CFAP210: variants seen among roughly 807,000 people sequenced by gnomAD.
The protein encoded by CFAP210 is cilia and flagella associated protein 210, also known as cilia- and flagella- associated protein 210.
the CFAP210 span, chr2:169,645,641 T>G: frequency 1.9e-6 from 1 of 534,362 alleles, no homozygotes; most frequent in East Asian, 3.1e-5. Flanking sequence ...AAAAGTAAAC[T>G]TGTGTATTTT....
At chr2:169,667,075 C>T in the CFAP210 span, among the ~76,000 whole-genome samples, 1 of 151,996 alleles carries the variant, frequency 6.6e-6, no homozygotes, top group Non-Finnish European at 1.5e-5. Flanking sequence ...TTGGAATCAA[C>T]TTCTTCCAAA....
the CFAP210 span, chr2:169,649,449 A>G: frequency 1.9e-6 from 2 of 1,045,682 alleles, no homozygotes; most frequent in Non-Finnish European, 2.8e-6. Flanking sequence ...AGAGTCAGCC[A>G]GGAGCAATGC....
At chr2:169,650,228 C>A in the CFAP210 span, 1 of 1,198,550 alleles carries the variant, frequency 8.3e-7, no homozygotes, top group Non-Finnish European at 1.1e-6. Flanking sequence ...TTTTTAATAT[C>A]TTGGCTAGTT....
the CFAP210 span, among the ~76,000 whole-genome samples, chr2:169,657,015 G>GGTGTCGAA: frequency 1.5e-4 from 21 of 142,532 alleles, no homozygotes; most frequent in African/African-American, 5.0e-4. Flanking sequence ...AAGAGAAGAA[G>GGTGTCGAA]GTGTCGAAGG....
At chr2:169,673,945 G>C in the CFAP210 span, among the ~76,000 whole-genome samples, 1 of 151,508 alleles carries the variant, frequency 6.6e-6, no homozygotes, top group Non-Finnish European at 1.5e-5. Context: ...ACTTCCTTTG[G>C]TAGTTTAGAT....
chr2:169,681,814 A>G, the CFAP210 span, among the ~76,000 whole-genome samples: 1 of 152,246 alleles, frequency 6.6e-6, no homozygotes, highest in Admixed American at 6.5e-5. Context: ...CTTTTAGAAA[A>G]GTTCTTCCTT....
the CFAP210 span, among the ~76,000 whole-genome samples, chr2:169,656,996 T>TAAAAAAAA: frequency 8.5e-6 from 1 of 117,266 alleles, no homozygotes; most frequent in Non-Finnish European, 1.7e-5. Context: ...AAGAACAGAG[T>TAAAAAAAA]AAAAAAAAAA....
chr2:169,680,978 A>G, the CFAP210 span: 1 of 1,569,922 alleles, frequency 6.4e-7, no homozygotes, highest in Non-Finnish European at 8.8e-7. Context: ...TCTTCAGTGC[A>G]TGTGTACTCC....
chr2:169,649,523 C>A, the CFAP210 span, among the ~76,000 whole-genome samples: 1 of 152,110 alleles, frequency 6.6e-6, no homozygotes, highest in Non-Finnish European at 1.5e-5. Context: ...TGGTTTTGTT[C>A]TATTTCCTGA....
At chr2:169,678,480 C>G in the CFAP210 span, among the ~76,000 whole-genome samples, 1 of 152,048 alleles carries the variant, frequency 6.6e-6, no homozygotes, top group East Asian at 1.9e-4. Flanking sequence ...TCAACACAAT[C>G]CCAATAAAAA....
At chr2:169,694,389 G>A in the CFAP210 span, 5 of 1,512,798 alleles carry the variant, frequency 3.3e-6, no homozygotes, top group Non-Finnish European at 1.8e-6. Flanking sequence ...AGCCGGTGGA[G>A]TTGTTACTCG....
the CFAP210 span, among the ~76,000 whole-genome samples, chr2:169,657,728 GAAAC>G: frequency 3.3e-5 from 5 of 149,778 alleles, no homozygotes; most frequent in Non-Finnish European, 7.4e-5. Context: ...AAAACAAAAT[GAAAC>G]AAAAAAAAAA....
the CFAP210 span, among the ~76,000 whole-genome samples, chr2:169,688,862 G>T: frequency 1.4e-4 from 22 of 152,244 alleles, no homozygotes; most frequent in African/African-American, 4.8e-4. Flanking sequence ...CACATTTTCA[G>T]TTATCTTTTC....
chr2:169,666,131 C>G, the CFAP210 span, among the ~76,000 whole-genome samples: 6 of 152,260 alleles, frequency 3.9e-5, no homozygotes, highest in South Asian at 1.2e-3. Flanking sequence ...TCATCCTCCT[C>G]TTCTAAACTG....
At chr2:169,654,027 CATA>C in the CFAP210 span, 90 of 1,502,568 alleles carry the variant, frequency 6.0e-5, no homozygotes, top group East Asian at 1.3e-3. Context: ...ATCATAAAAT[CATA>C]ATAATTTCAG....
chr2:169,670,887 G>C, the CFAP210 span, among the ~76,000 whole-genome samples: 1 of 152,082 alleles, frequency 6.6e-6, no homozygotes, highest in Non-Finnish European at 1.5e-5. Flanking sequence ...GAGATAAATT[G>C]GGCTCCATCC....
the CFAP210 span, chr2:169,649,289 G>A: frequency 6.2e-7 from 1 of 1,613,576 alleles, no homozygotes; most frequent in Non-Finnish European, 8.5e-7. Context: ...ATGACAGCCA[G>A]CAATTGTTCT....
At chr2:169,653,344 A>G in the CFAP210 span, among the ~76,000 whole-genome samples, 1 of 151,624 alleles carries the variant, frequency 6.6e-6, no homozygotes, top group African/African-American at 2.4e-5. Context: ...GTAAGAGAAG[A>G]GGTCTGAGGG....
chr2:169,663,960 G>A, the CFAP210 span, among the ~76,000 whole-genome samples: 22 of 151,670 alleles, frequency 1.5e-4, no homozygotes, highest in East Asian at 2.5e-3. Context: ...AGGCCAAGGC[G>A]GGCGGATCAC....
Sources: gnomAD v4.1 joint callset for allele counts (sites outside exome capture counted in the v4.1 genomes callset) on GRCh38, gnomAD v4.1.1 for gene constraint, MANE v1.5 for transcripts, NCBI Gene and HGNC (gene_info 2026-07-23, HGNC 2026-07-21) for gene names.